LPP: variants seen among roughly 807,000 people sequenced by gnomAD.
LPP encodes lipoma-preferred partner.
LPP carries 38 observed loss-of-function variants against 60.4 expected under a neutral mutation model. The observed-to-expected ratio is 0.63, with a 90% CI of 0.49 to 0.83. The LOEUF is 0.83. Ranked by LOEUF, LPP falls within the 40% of genes least tolerant of loss-of-function variation. LPP has a pLI of 0.00. For synonymous variants in LPP, 328 were observed against 290.8 expected (o/e 1.13, Z -1.30); for missense variants, 902 against 783.6 (o/e 1.15, Z -1.80).
Position 188,352,572 on chromosome 3 carries a change from G to A in LPP, c.-10+10853G>A, listed in dbSNP as rs528630090. On this transcript the variant is annotated intron_variant, in intron 3 of 11. Coordinates refer to ENST00000617246, the MANE Select transcript of LPP (RefSeq NM_001375462.1). The surrounding 1 kb of genome is among the most constrained non-coding windows in gnomAD (Gnocchi z 4.4). The stretch of plus-strand genomic sequence containing the variant: ...AGCAAGAAGGGCTTGTGAATATCCC[G>A]TACTCTCATTTGATGTGTGAGGACA... Among the ~76,000 whole-genome samples, 5 of 152,314 alleles carry A rather than the reference G, an allele frequency of 3.3e-5. No individual in the cohort carries two copies. Among genetic ancestry groups the A allele is most frequent in the African/African-American group, 9.6e-5 (4 of 41,560 alleles).
At chr3:188,512,580 T>TAAAC (rs1816089008) in intron 5 of LPP, among the ~76,000 whole-genome samples, 1 of 151,104 alleles carries the variant, frequency 6.6e-6, no homozygotes, top group Non-Finnish European at 1.5e-5. Flanking sequence ...AATAAATAAA[T>TAAAC]AAATAAATAA....
chr3:188,171,550 C>T lies in LPP; in HGVS notation c.-190+17298C>T, dbSNP rs548068909. On this transcript the variant is annotated intron_variant, in intron 1 of 11. Transcript: ENST00000617246. ...TGATTGCAATGGAGGCACAGATTGC[C>T]GGGTGGTGGTCCTGGCCAGCTACAA... Among the ~76,000 whole-genome samples, 9 of 152,250 alleles carry T rather than the reference C, an allele frequency of 5.9e-5. No individual in the cohort carries two copies. In the South Asian group the frequency reaches 1.0e-3, roughly 18 times the overall value.
At chr3:188,636,853 T>C (rs967375680) in intron 7 of LPP, among the ~76,000 whole-genome samples, 4 of 150,104 alleles carry the variant, frequency 2.7e-5, no homozygotes, top group African/African-American at 7.5e-5. Context: ...GGGTCCTGTC[T>C]GTTAGAAGGA....
At chr3:188,666,511 C>G (rs1252435607) in intron 7 of LPP, among the ~76,000 whole-genome samples, 1 of 152,180 alleles carries the variant, frequency 6.6e-6, no homozygotes, top group African/African-American at 2.4e-5. Context: ...CAGTAATTCT[C>G]TGGCTGTGTA....
intron 6 of LPP, among the ~76,000 whole-genome samples, chr3:188,547,528 T>C (rs1826971994): frequency 6.6e-6 from 1 of 152,216 alleles, no homozygotes; most frequent in African/African-American, 2.4e-5. Context: ...AACAGGATCA[T>C]GTGGTAACAT....
At chr3:188,173,739 C>T (rs1722292113) in intron 1 of LPP, among the ~76,000 whole-genome samples, 1 of 152,114 alleles carries the variant, frequency 6.6e-6, no homozygotes, top group Non-Finnish European at 1.5e-5. Flanking sequence ...TGCATTGAGT[C>T]TCCTTGTTCT....
At chr3:188,702,610 C>T (rs951499712) in intron 7 of LPP, among the ~76,000 whole-genome samples, 5 of 152,170 alleles carry the variant, frequency 3.3e-5, no homozygotes, top group African/African-American at 7.2e-5. Context: ...ACAATTTTGA[C>T]GGAGTCCTCT....
chr3:188,176,357 G>T (rs1723038388), intron 1 of LPP, among the ~76,000 whole-genome samples: 1 of 152,038 alleles, frequency 6.6e-6, no homozygotes, highest in Admixed American at 6.6e-5. Context: ...TTTTGAAGAT[G>T]GGGAAATGAG....
chr3:188,392,928 C>T (rs1780044243), intron 3 of LPP, among the ~76,000 whole-genome samples: 1 of 152,178 alleles, frequency 6.6e-6, no homozygotes, highest in African/African-American at 2.4e-5. Flanking sequence ...TTTCCCTCAA[C>T]TCTGTGTAAC....
chr3:188,309,409 T>G lies in LPP; in HGVS notation c.-66-32254T>G, dbSNP rs529761072. Among the ~76,000 whole-genome samples, 14 of 152,290 alleles carry G rather than the reference T, an allele frequency of 9.2e-5. No individual in the cohort carries two copies. In the South Asian group the frequency reaches 2.5e-3, roughly 27 times the overall value. On this transcript the variant is annotated intron_variant, in intron 2 of 11. Transcript: ENST00000617246. ...GCTCTGGAGTTAGATTGAGCGCACC[T>G]GAAGCTAAGGTTAAAGATGATGGCT...
chr3:188,756,665 C>T (rs1190352680), intron 8 of LPP, among the ~76,000 whole-genome samples: 2 of 152,136 alleles, frequency 1.3e-5, no homozygotes, highest in Non-Finnish European at 2.9e-5. Context: ...CTTTTCTGTC[C>T]TACTGATGTG....
intron 9 of LPP, among the ~76,000 whole-genome samples, chr3:188,776,401 G>A (rs113253065): frequency 0.023 from 3,493 of 152,262 alleles, 114 homozygotes; most frequent in African/African-American, 0.074. Context: ...CAAAGGAAAA[G>A]AAATCAGCCT....
At chr3:188,392,149 A>G (rs563299736) in intron 3 of LPP, among the ~76,000 whole-genome samples, 1 of 152,330 alleles carries the variant, frequency 6.6e-6, no homozygotes, top group Admixed American at 6.5e-5. Context: ...CAGAGTAACA[A>G]TTACGTTCTA....
intron 6 of LPP, among the ~76,000 whole-genome samples, chr3:188,586,553 A>G (rs1304614812): frequency 6.6e-6 from 1 of 152,122 alleles, no homozygotes; most frequent in East Asian, 1.9e-4. Flanking sequence ...AAAAATTAGT[A>G]ATTATTAATT....
intron 6 of LPP, among the ~76,000 whole-genome samples, chr3:188,554,584 ACT>A (rs779789638): frequency 1.7e-4 from 26 of 152,112 alleles, no homozygotes; most frequent in Admixed American, 3.9e-4. Context: ...ACTCCAAGTT[ACT>A]CTCTTTCTAG....
At chr3:188,229,687 C>T (rs1032625083) in intron 2 of LPP, among the ~76,000 whole-genome samples, 1 of 152,192 alleles carries the variant, frequency 6.6e-6, no homozygotes, top group Non-Finnish European at 1.5e-5. Flanking sequence ...TTGCTGTCCA[C>T]GAAAGTAAAA....
chr3:188,294,992 G>A (rs1392147971), intron 2 of LPP, among the ~76,000 whole-genome samples: 1 of 152,174 alleles, frequency 6.6e-6, no homozygotes, highest in Non-Finnish European at 1.5e-5. Flanking sequence ...TTTGAGTATA[G>A]ACAGCTTTTC....
chr3:188,616,518 A>T lies in LPP; in HGVS notation c.1113+6674A>T, dbSNP rs139666652. Reference sequence around the variant, plus strand: ...GTAGTATAGTTTGAAGTCAGGTAGCATGATGCCTCCAGCTTTGTTCTTTTT... The same window carrying T: ...GTAGTATAGTTTGAAGTCAGGTAGCTTGATGCCTCCAGCTTTGTTCTTTTT... On this transcript the variant is annotated intron_variant, in intron 7 of 11. Coordinates refer to ENST00000617246, the MANE Select transcript of LPP (RefSeq NM_001375462.1). Among the ~76,000 whole-genome samples, 34 of 152,174 alleles carry T rather than the reference A, an allele frequency of 2.2e-4. No individual in the cohort carries two copies. In the East Asian group the frequency reaches 6.6e-3, roughly 29 times the overall value.
intron 2 of LPP, among the ~76,000 whole-genome samples, chr3:188,282,038 C>T (rs898569488): frequency 2.0e-5 from 3 of 151,866 alleles, no homozygotes; most frequent in Admixed American, 6.6e-5. Context: ...GTCTTTCTAC[C>T]TTGTCCTTCT....
Sources: gnomAD v4.1 joint callset for allele counts (sites outside exome capture counted in the v4.1 genomes callset) on GRCh38, gnomAD v4.1.1 for gene constraint, Gnocchi (gnomAD v3.1) non-coding constraint, MANE v1.5 for transcripts, NCBI Gene and HGNC (gene_info 2026-07-23, HGNC 2026-07-21) for gene names.